SNX29: variants seen among roughly 807,000 people sequenced by gnomAD.
SNX29 encodes the protein sorting nexin-29.
SNX29 carries 78 observed loss-of-function variants against 102.1 expected under a neutral mutation model. The ratio of observed to expected loss-of-function variants is 0.76; its 90% CI spans 0.64 to 0.92. The LOEUF (loss-of-function observed/expected upper bound fraction) is 0.92, where lower values mean the gene tolerates loss of function less well. Among genes scored for constraint, SNX29 ranks in the 40% least tolerant of loss-of-function variants. The probability of loss-of-function intolerance (pLI) is 0.00; values close to 1 mark genes in which losing one functional copy is unlikely to be tolerated. For synonymous variants in SNX29, 580 were observed against 414.5 expected, an observed-to-expected ratio of 1.40 and a Z score of -4.85; for missense variants, 1,280 against 1,061.7, an observed-to-expected ratio of 1.21 and a Z score of -2.86.
Position 12,571,955 on chromosome 16 carries a change from T to TA in SNX29, c.*3326_*3327insA, listed in dbSNP as rs1420964442. 18 of 1,061,698 alleles carry TA rather than the reference T, an allele frequency of 1.7e-5. No homozygotes were observed. Among genetic ancestry groups the TA allele is most frequent in the African/African-American group, 1.3e-4 (8 of 60,856 alleles). The allele number at this position is 1,061,698 out of a possible 1,614,324, so 65.8% of individuals were successfully genotyped here. A position where few individuals can be genotyped will look rare whatever the true frequency, so the allele number is the denominator to read the frequency against. The stretch of plus-strand genomic sequence containing the variant: ...GAAGACACTTTCAGGGAAGAGGCTC[T>TA]TACAGTCTATGGTGGTAGCCATCTT... On this transcript the variant is annotated 3_prime_UTR_variant, in exon 21 of 21. Transcript: ENST00000566228.
intron 11 of SNX29, among the ~76,000 whole-genome samples, chr16:12,114,962 G>A (rs1481207240): frequency 6.6e-6 from 1 of 152,156 alleles, no homozygotes; most frequent in Non-Finnish European, 1.5e-5. Context: ...CCCTGTGCCT[G>A]GCACTCGGCT....
intron 6 of SNX29, among the ~76,000 whole-genome samples, chr16:12,047,651 CTTTTTTTT>C (rs376623418): frequency 0.43 from 53,919 of 126,474 alleles, 10,799 homozygotes; most frequent in Middle Eastern, 0.54. Context: ...GGACCAAGGT[CTTTTTTTT>C]TTTTTTTTTT....
intron 20 of SNX29, among the ~76,000 whole-genome samples, chr16:12,559,757 G>A (rs2078608642): frequency 1.3e-5 from 2 of 152,072 alleles, no homozygotes; most frequent in Non-Finnish European, 2.9e-5. Flanking sequence ...CAGCCTGACA[G>A]CAGTCACTCT....
chr16:12,126,043 G>A (rs1219880202), intron 11 of SNX29, among the ~76,000 whole-genome samples: 2 of 152,100 alleles, frequency 1.3e-5, no homozygotes, highest in African/African-American at 4.8e-5. Context: ...CTAGTCTGCT[G>A]CTCTAGGGCA....
rs941842786 is a variant in SNX29, at chr16:12,569,219, G to C, written c.*590G>C. 4.5e-6 allele frequency: 1 copy of C among 222,136 alleles called. No individual in the cohort carries two copies. The highest frequency in any genetic ancestry group is 9.0e-6 in the Non-Finnish European group (1 of 111,730). The allele number at this position is 222,136 out of a possible 1,614,324, so 13.8% of individuals were successfully genotyped here. A position where few individuals can be genotyped will look rare whatever the true frequency, so the allele number is the denominator to read the frequency against. ...CTGTCACAGCTCACTTTTCCAGAGG[G>C]ATATTCCTGTGGCTTTGGCAAGGAG... On this transcript the variant is annotated 3_prime_UTR_variant, in exon 21 of 21. Coordinates refer to ENST00000566228, the MANE Select transcript of SNX29 (RefSeq NM_032167.5).
chr16:12,488,827 T>A (rs182249779), intron 19 of SNX29, among the ~76,000 whole-genome samples: 6 of 152,214 alleles, frequency 3.9e-5, no homozygotes, highest in African/African-American at 1.4e-4. Context: ...GGTCTGGTGT[T>A]CTCAGTGAAC....
intron 5 of SNX29, 51 bp downstream of exon 5, chr16:12,043,128 C>G (rs1237415512): frequency 6.3e-7 from 1 of 1,598,958 alleles, no homozygotes; most frequent in Non-Finnish European, 8.5e-7. Context: ...AGGTGAAGAT[C>G]TTGGAGTCTG....
intron 11 of SNX29, among the ~76,000 whole-genome samples, chr16:12,082,247 C>T (rs376424082): frequency 5.9e-5 from 9 of 152,056 alleles, no homozygotes; most frequent in African/African-American, 1.9e-4. Context: ...ATCATGCCTG[C>T]GAGCCTTTGT....
chr16:12,117,536 A>G (rs1232682375), intron 11 of SNX29, among the ~76,000 whole-genome samples: 1 of 152,264 alleles, frequency 6.6e-6, no homozygotes, highest in Non-Finnish European at 1.5e-5. Flanking sequence ...ACCACATAAG[A>G]GATGATTCCG....
In SNX29 at chr16:12,565,120, C is replaced by G. The variant is rs555700769; in HGVS notation, c.2319-3386C>G. Among the ~76,000 whole-genome samples the G allele has an allele frequency of 2.0e-4, 29 of 143,594 alleles. No individual in the cohort carries two copies. The South Asian group carries it at 2.4e-3, about 12-fold the overall frequency. 94.2% of individuals were successfully genotyped at this position (143,594 alleles called of 152,430 possible). ...CTCTTCTGAGTACTGGCCCTAGTCT[C>G]TTATCCACATTAGCCCCCACTTCCT... On this transcript the variant is annotated intron_variant, in intron 20 of 20. Transcript: ENST00000566228.
intron 20 of SNX29, among the ~76,000 whole-genome samples, chr16:12,567,601 C>G (rs1049102207): frequency 2.6e-5 from 4 of 152,020 alleles, no homozygotes; most frequent in African/African-American, 4.8e-5. Context: ...GACCCCATCT[C>G]TACAAAAAAT....
At chr16:12,483,756 C>G (rs1281835415) in intron 19 of SNX29, among the ~76,000 whole-genome samples, 1 of 152,226 alleles carries the variant, frequency 6.6e-6, no homozygotes, top group Non-Finnish European at 1.5e-5. Context: ...CTCTGCTCAT[C>G]ACAGTGCTGG....
At chr16:12,108,897 G>A (rs2053381676) in intron 11 of SNX29, among the ~76,000 whole-genome samples, 1 of 152,022 alleles carries the variant, frequency 6.6e-6, no homozygotes, top group South Asian at 2.1e-4. Context: ...TTGGGAGGCC[G>A]AGGCAGGTGG....
chr16:12,340,684 C>T (rs1206665984), intron 15 of SNX29, among the ~76,000 whole-genome samples: 1 of 152,102 alleles, frequency 6.6e-6, no homozygotes, highest in Non-Finnish European at 1.5e-5. Flanking sequence ...TCGGGAGGGA[C>T]CAGAAGGGAC....
chr16:12,551,850 C>T (rs2077996849), intron 20 of SNX29, among the ~76,000 whole-genome samples: 1 of 152,170 alleles, frequency 6.6e-6, no homozygotes, highest in Non-Finnish European at 1.5e-5. Flanking sequence ...GCTGGGGACA[C>T]AGGAGCAGGC....
At chr16:12,349,575 G>C (rs752134212) in intron 15 of SNX29, among the ~76,000 whole-genome samples, 5 of 152,146 alleles carry the variant, frequency 3.3e-5, no homozygotes, top group Non-Finnish European at 7.4e-5. Context: ...TTTCAGATTT[G>C]GGATGCTCAT....
In SNX29 at chr16:12,548,123, A is replaced by G. The variant is rs898602194; in HGVS notation, c.2319-20383A>G. On this transcript the variant is annotated intron_variant, in intron 20 of 20. Transcript: ENST00000566228. ...ACATTGAGGTCTATTTCTTGGGACAAGTAGGAATTTTCTATCCCTGTTCAT... is the reference window on the plus strand; with the variant it reads ...ACATTGAGGTCTATTTCTTGGGACAGGTAGGAATTTTCTATCCCTGTTCAT... Among the ~76,000 whole-genome samples the G allele has an allele frequency of 2.0e-5, 3 of 152,234 alleles. No individual in the cohort carries two copies. The East Asian group carries it at 5.8e-4, about 29-fold the overall frequency.
intron 16 of SNX29, among the ~76,000 whole-genome samples, chr16:12,386,124 T>G (rs2083333100): frequency 6.6e-6 from 1 of 152,238 alleles, no homozygotes; most frequent in Admixed American, 6.5e-5. Flanking sequence ...TTCCTCACCC[T>G]CAGGCTCTCT....
intron 20 of SNX29, among the ~76,000 whole-genome samples, chr16:12,528,693 T>G (rs1031893221): frequency 2.0e-5 from 3 of 152,230 alleles, no homozygotes; most frequent in African/African-American, 7.2e-5. Flanking sequence ...TACCTGGCTC[T>G]GGAGTTTGCA....
Sources: allele counts gnomAD v4.1 joint callset (sites outside exome capture counted in the v4.1 genomes callset), GRCh38; gene constraint gnomAD v4.1.1; transcripts MANE v1.5; gene names NCBI Gene and HGNC (gene_info 2026-07-23, HGNC 2026-07-21).